The following SYTL5 variants were observed in gnomAD, a reference collection of about 807,000 sequenced individuals.
SYTL5 encodes the protein synaptotagmin-like protein 5.
SYTL5 carries 34 observed loss-of-function variants against 55.9 expected under a neutral mutation model. The observed-to-expected ratio is 0.61, with a 90% CI of 0.46 to 0.81. The LOEUF (loss-of-function observed/expected upper bound fraction) is 0.81, where lower values mean the gene tolerates loss of function less well. Among genes scored for constraint, SYTL5 ranks in the 30% least tolerant of loss-of-function variants. The pLI is 0.00. For missense variants in SYTL5, 637 were observed against 546.7 expected, an observed-to-expected ratio of 1.17 and a Z score of -1.65; for synonymous variants, 221 against 188.7, an observed-to-expected ratio of 1.17 and a Z score of -1.40.
chrX:37,991,499 A>G, the SYTL5 span, among the ~76,000 whole-genome samples: 1 of 110,198 alleles, frequency 9.1e-6, no homozygotes, highest in African/African-American at 3.3e-5. Context: ...GTGGGGAGGA[A>G]CTGGCTGGGA....
the SYTL5 span, chrX:37,949,466 C>A: frequency 9.0e-6 from 1 of 111,586 alleles, no homozygotes; most frequent in Non-Finnish European, 1.9e-5. Context: ...ATTCATATTG[C>A]TATTGCTTGC....
chrX:38,076,135 G>A (rs958683098), intron 5 of SYTL5, among the ~76,000 whole-genome samples: 1 of 112,182 alleles, frequency 8.9e-6, no homozygotes, highest in Non-Finnish European at 1.9e-5. Context: ...GAAAGGCAGA[G>A]TCACTGCTCT....
chrX:38,112,218 A>G (rs1333061415), intron 13 of SYTL5, among the ~76,000 whole-genome samples: 1 of 111,634 alleles, frequency 9.0e-6, no homozygotes, highest in African/African-American at 3.3e-5. Flanking sequence ...CCCTCGGGCT[A>G]CTGTAGCTTT....
intron 13 of SYTL5, among the ~76,000 whole-genome samples, chrX:38,112,269 T>C (rs765548657): frequency 3.6e-4 from 40 of 111,745 alleles, no homozygotes; most frequent in Non-Finnish European, 6.2e-4. Context: ...TGGGAATTTT[T>C]ATACCCGCTG....
At position 38,122,138 on chromosome X, in the gene SYTL5, A is replaced by C; in HGVS notation, c.1764A>C (p.Ile588=). 8.3e-7 allele frequency: 1 copy of C among 1,206,720 alleles called. No individual in the cohort carries two copies. Among genetic ancestry groups the C allele is most frequent in the Non-Finnish European group, 1.1e-6 (1 of 891,640 alleles). ...AGTCACCTGTAATCTCTGGAGGAAT[A>C]CTAGAAGTGTTCATCAAAGAGGCAA... ...KKESPVISGG[I]LEVFIKEAKN... is the part of the protein sequence containing the mutation. The change falls in exon 15 of 17, where the codon ATA becomes ATC. Residue 588 remains isoleucine (I), a synonymous_variant. Transcript: ENST00000297875.
At chrX:37,945,952 T>C in the SYTL5 span, 1 of 156,430 alleles carries the variant, frequency 6.4e-6, no homozygotes, top group Non-Finnish European at 1.4e-5. Context: ...TAGATTCACT[T>C]TTACCTGACA....
At chrX:37,953,076 G>A in the SYTL5 span, among the ~76,000 whole-genome samples, 1 of 111,499 alleles carries the variant, frequency 9.0e-6, no homozygotes, top group East Asian at 2.8e-4. Flanking sequence ...TCTGGAGCGA[G>A]TTGCCTTTGG....
chrX:37,903,077 TAGG>T, the SYTL5 span, among the ~76,000 whole-genome samples: 1 of 110,688 alleles, frequency 9.0e-6, no homozygotes, highest in Non-Finnish European at 1.9e-5. Flanking sequence ...TGTGGAGAAA[TAGG>T]AACACTTTTA....
At chrX:37,908,132 A>C in the SYTL5 span, among the ~76,000 whole-genome samples, 2 of 108,983 alleles carry the variant, frequency 1.8e-5, no homozygotes, top group East Asian at 2.9e-4. Flanking sequence ...AAAAAAAAAA[A>C]AAACAAAGAA....
chrX:38,009,118 C>A (rs760239544), intron 1 of SYTL5, among the ~76,000 whole-genome samples: 1 of 112,172 alleles, frequency 8.9e-6, no homozygotes, highest in Admixed American at 9.4e-5. Context: ...ATTTATTCAA[C>A]TGCTTTTCTA....
At chrX:37,912,860 C>G in the SYTL5 span, among the ~76,000 whole-genome samples, 12 of 111,976 alleles carry the variant, frequency 1.1e-4, no homozygotes, top group Non-Finnish European at 1.7e-4. Flanking sequence ...CTATTCCCAC[C>G]TTCTCCCTTA....
chrX:38,010,476 G>A (rs1934142444), intron 1 of SYTL5, among the ~76,000 whole-genome samples: 1 of 112,071 alleles, frequency 8.9e-6, no homozygotes, highest in Admixed American at 9.4e-5. Flanking sequence ...CGTTCTGAGC[G>A]ACCATTCGGG....
the SYTL5 span, among the ~76,000 whole-genome samples, chrX:37,989,840 C>T: frequency 9.0e-6 from 1 of 110,637 alleles, no homozygotes; most frequent in African/African-American, 3.3e-5. Flanking sequence ...AACTGTTTAC[C>T]TGGCACTGAC....
At chrX:37,950,940 G>A in the SYTL5 span, among the ~76,000 whole-genome samples, 10 of 110,136 alleles carry the variant, frequency 9.1e-5, no homozygotes, top group Non-Finnish European at 1.5e-4. Flanking sequence ...TACTTTTATA[G>A]CAATTACCGA....
chrX:37,904,984 C>T, the SYTL5 span, among the ~76,000 whole-genome samples: 37 of 111,233 alleles, frequency 3.3e-4, 1 homozygote, highest in African/African-American at 1.1e-3. Context: ...CACCCCTACC[C>T]CTCCTCCTAG....
the SYTL5 span, among the ~76,000 whole-genome samples, chrX:37,960,979 G>A: frequency 1.1e-4 from 12 of 108,388 alleles, no homozygotes; most frequent in Non-Finnish European, 1.5e-4. Context: ...TGTATTTTTA[G>A]TAGAGACGGG....
Position 38,076,702 on chromosome X carries a change from G to T in SYTL5, c.689+1G>T. Reference sequence around the variant, plus strand: ...TAAAATCACCTCCTGGTTCAGACAGGTAAGAGTCATACAGATTGAGCAATG... The same window carrying T: ...TAAAATCACCTCCTGGTTCAGACAGTTAAGAGTCATACAGATTGAGCAATG... On this transcript the variant is annotated splice_donor_variant, in intron 6 of 16. Transcript: ENST00000297875. LOFTEE classifies it high-confidence loss of function. 8.3e-7 allele frequency: 1 copy of T among 1,209,104 alleles called. No individual in the cohort carries two copies. Among genetic ancestry groups the T allele is most frequent in the African/African-American group, 1.7e-5 (1 of 57,620 alleles).
At chrX:38,071,589 T>C (rs73632452) in intron 3 of SYTL5, among the ~76,000 whole-genome samples, 8,920 of 111,064 alleles carry the variant, frequency 0.08, 608 homozygotes, top group South Asian at 0.19. Flanking sequence ...GATCACAGAG[T>C]CTGATCATGA....
Position 38,127,164 on chromosome X carries a change from C to A in SYTL5, c.*434C>A, listed in dbSNP as rs1937676243. On this transcript the variant is annotated 3_prime_UTR_variant, in exon 17 of 17. Coordinates refer to ENST00000297875, the MANE Select transcript of SYTL5 (RefSeq NM_138780.3). ...CCAACTTTTACTCACCCTAGGAATC[C>A]ACATGATCTCAAGAAGGCATGGTGG... 1 of 114,159 alleles carries A rather than the reference C, an allele frequency of 8.8e-6. No individual in the cohort carries two copies. Among genetic ancestry groups the A allele is most frequent in the South Asian group, 4.0e-4 (1 of 2,506 alleles). The allele number at this position is 114,159 out of a possible 1,213,427, so 9.4% of individuals were successfully genotyped here.
Sources: gnomAD v4.1 joint callset for allele counts (sites outside exome capture counted in the v4.1 genomes callset) on GRCh38, gnomAD v4.1.1 for gene constraint, MANE v1.5 for transcripts, NCBI Gene and HGNC (gene_info 2026-07-23, HGNC 2026-07-21) for gene names.